The following FBP2 variants were observed in gnomAD, a reference collection of about 807,000 sequenced individuals.
The protein encoded by FBP2 is fructose-1,6-bisphosphatase isozyme 2.
In FBP2, 27 loss-of-function variants were observed where a neutral mutation model predicts 31.6. The ratio of observed to expected loss-of-function variants is 0.85; its 90% CI spans 0.63 to 1.18. The LOEUF (loss-of-function observed/expected upper bound fraction) is 1.18, where lower values mean the gene tolerates loss of function less well. Ranked by LOEUF, FBP2 falls within the 50% of genes most tolerant of loss-of-function variation. FBP2 has a pLI of 0.00. For synonymous variants in FBP2, 168 were observed against 179.8 expected (o/e 0.93, Z 0.53); for missense variants, 421 against 436.1 (o/e 0.97, Z 0.31).
intron 3 of FBP2, among the ~76,000 whole-genome samples, chr9:94,576,216 A>T (rs1406279721): frequency 6.6e-6 from 1 of 152,236 alleles, no homozygotes; most frequent in Non-Finnish European, 1.5e-5. Flanking sequence ...GAGATACTGT[A>T]CTCAGCACAA....
Position 94,593,660 on chromosome 9 carries a change from G to T in FBP2, c.67C>A (p.Arg23Ser), listed in dbSNP as rs748612104. The T allele has an allele frequency of 1.1e-5, 18 of 1,614,208 alleles. No homozygotes were observed. Among genetic ancestry groups the T allele is most frequent in the Non-Finnish European group, 1.4e-5 (16 of 1,180,024 alleles). ...AGCTCCCCAGTCCCTTTGGCCTGAC[G>T]CCCCTTTTCCATAACGTAGCGGGTC... The part of the protein sequence containing the change: ...TLTRYVMEKG[R>S]QAKGTGELTQ... The change falls in exon 1 of 7, where the codon CGT (arginine) becomes AGT (serine). Residue 23 changes from arginine (R) to serine (S), a missense_variant. Physicochemically the swap from Arg to Ser is moderately radical, Grantham distance 110. Coordinates refer to ENST00000375337, the MANE Select transcript of FBP2 (RefSeq NM_003837.4).
intron 1 of FBP2, 35 bp downstream of exon 1, chr9:94,593,522 T>C: frequency 6.3e-7 from 1 of 1,589,036 alleles, no homozygotes; most frequent in Non-Finnish European, 8.6e-7. Context: ...GGGCCTGGGG[T>C]GCTCTGTGCC....
chr9:94,587,023 G>A (rs1357174011), intron 2 of FBP2, among the ~76,000 whole-genome samples: 2 of 152,184 alleles, frequency 1.3e-5, no homozygotes, highest in Non-Finnish European at 2.9e-5. Flanking sequence ...CAAAAATTTG[G>A]CTCTTGTTAC....
intron 1 of FBP2, among the ~76,000 whole-genome samples, chr9:94,591,068 C>T (rs1827494278): frequency 6.6e-6 from 1 of 152,278 alleles, no homozygotes; most frequent in African/African-American, 2.4e-5. Flanking sequence ...ACTCAGGAGC[C>T]CAGCTGGCTT....
At chr9:94,579,434 T>C (rs1827353862) in intron 3 of FBP2, among the ~76,000 whole-genome samples, 1 of 147,444 alleles carries the variant, frequency 6.8e-6, no homozygotes, top group African/African-American at 2.5e-5. Context: ...GTATGGTAAA[T>C]TCTTGTCCTA....
intron 3 of FBP2, among the ~76,000 whole-genome samples, chr9:94,573,286 T>C (rs905614776): frequency 3.3e-5 from 5 of 152,194 alleles, no homozygotes; most frequent in African/African-American, 1.2e-4. Context: ...AGAGACAGGG[T>C]CTTGCTCTGT....
intron 4 of FBP2, chr9:94,569,374 C>T (rs1295375617): frequency 6.6e-6 from 1 of 152,234 alleles, no homozygotes; most frequent in African/African-American, 2.4e-5. Flanking sequence ...GCAGTAACTC[C>T]TTTCACTTAA....
At chr9:94,568,254 T>C (rs889345398) in intron 4 of FBP2, 8 of 152,114 alleles carry the variant, frequency 5.3e-5, no homozygotes, top group Admixed American at 3.9e-4. Flanking sequence ...TCAGACACTG[T>C]GTTCACCCAG....
In FBP2 at chr9:94,584,605, A is replaced by G. The variant is rs763734237; in HGVS notation, c.398T>C (p.Ile133Thr). 1.5e-5 allele frequency: 24 copies of G among 1,613,514 alleles called. No homozygotes were observed. The highest frequency in any genetic ancestry group is 2.0e-5 in the Non-Finnish European group (23 of 1,179,428). ...TCTATAGATGGCAAAGATGGTTCCG[A>G]TGGAGGCCAGGCAGTCAATATTGGA... ...GSSNIDCLAS[I>T]GTIFAIYRKT... The change falls in exon 3 of 7, where the codon ATC becomes ACC. Residue 133 changes from isoleucine to threonine, a missense_variant. Physicochemically the swap from Ile to Thr is moderately conservative, Grantham distance 89 (BLOSUM62 -1). Coordinates refer to ENST00000375337, the MANE Select transcript of FBP2 (RefSeq NM_003837.4).
intron 5 of FBP2, 59 bp from the exon 6 acceptor site, chr9:94,563,520 G>A: frequency 2.5e-6 from 4 of 1,578,030 alleles, no homozygotes; most frequent in Non-Finnish European, 3.5e-6. Flanking sequence ...GCCAGCACCT[G>A]CTCGTGGTCA....
At chr9:94,588,358 G>A (rs181319588) in intron 1 of FBP2, among the ~76,000 whole-genome samples, 148 of 152,176 alleles carry the variant, frequency 9.7e-4, no homozygotes, top group Non-Finnish European at 1.7e-3. Context: ...CCAGGGCCTC[G>A]TGCCTGTAAT....
At chr9:94,585,261 ATTT>A (rs200872218) in intron 2 of FBP2, among the ~76,000 whole-genome samples, 1 of 151,758 alleles carries the variant, frequency 6.6e-6, no homozygotes, top group Admixed American at 6.6e-5. Flanking sequence ...TAATAATCCA[ATTT>A]TTTAAAAAAA....
intron 3 of FBP2, among the ~76,000 whole-genome samples, chr9:94,582,349 T>C (rs929253551): frequency 1.2e-5 from 1 of 86,420 alleles, no homozygotes; most frequent in African/African-American, 4.5e-5. Flanking sequence ...TGTGTGTGTG[T>C]GCGTGTGTGT....
chr9:94,568,401 T>TAA (rs1827224955), intron 4 of FBP2: 1 of 152,208 alleles, frequency 6.6e-6, no homozygotes, highest in Non-Finnish European at 1.5e-5. Context: ...TATGTCTAGT[T>TAA]CTGGTGATAT....
At chr9:94,579,672 A>G (rs1440561823) in intron 3 of FBP2, among the ~76,000 whole-genome samples, 3 of 152,142 alleles carry the variant, frequency 2.0e-5, no homozygotes, top group Non-Finnish European at 4.4e-5. Context: ...ATAACAAGAA[A>G]TTTTACTTTT....
chr9:94,565,729 A>G (rs1230406788), intron 5 of FBP2, among the ~76,000 whole-genome samples: 1 of 97,142 alleles, frequency 1.0e-5, no homozygotes, highest in Non-Finnish European at 2.2e-5. Context: ...AGATATAGGT[A>G]GATAGATGAT....
intron 2 of FBP2, 98 bp downstream of exon 2, chr9:94,587,209 A>C (rs1827436527): frequency 9.6e-7 from 1 of 1,039,438 alleles, no homozygotes; most frequent in Admixed American, 2.5e-5. Flanking sequence ...GTTAAGAAAT[A>C]GAGGAGAATC....
At chr9:94,562,661 T>C (rs1827126207) in intron 6 of FBP2, among the ~76,000 whole-genome samples, 1 of 152,204 alleles carries the variant, frequency 6.6e-6, no homozygotes, top group South Asian at 2.1e-4. Context: ...ATTTGACTAC[T>C]TACCTACGAT....
chr9:94,565,135 A>G (rs913208323), intron 5 of FBP2, among the ~76,000 whole-genome samples: 6 of 152,176 alleles, frequency 3.9e-5, no homozygotes, highest in Non-Finnish European at 8.8e-5. Context: ...GCATTTTGGG[A>G]GGCCAAGGCA....
Sources: gnomAD v4.1 joint callset for allele counts (sites outside exome capture counted in the v4.1 genomes callset) on GRCh38, gnomAD v4.1.1 for gene constraint, MANE v1.5 for transcripts, NCBI Gene and HGNC (gene_info 2026-07-23, HGNC 2026-07-21) for gene names.